MAP4: variants seen among roughly 807,000 people sequenced by gnomAD.
The protein encoded by MAP4 is microtubule associated protein 4.
Under a neutral mutation model 170.2 loss-of-function variants are expected in MAP4, and 76 were observed. That is an observed-to-expected ratio of 0.45 (90% CI 0.37 to 0.54). The LOEUF (loss-of-function observed/expected upper bound fraction) is 0.54, where lower values mean the gene tolerates loss of function less well. MAP4 is among the 20% of genes least tolerant of loss of function. The pLI is 0.00. For synonymous variants in MAP4, 909 were observed against 994.5 expected, an observed-to-expected ratio of 0.91 and a Z score of 1.62; for missense variants, 2,506 against 2,748.0, an observed-to-expected ratio of 0.91 and a Z score of 1.97.
At chr3:48,030,798 CAAAAA>C (rs71625847) in intron 1 of MAP4, among the ~76,000 whole-genome samples, 1 of 29,062 alleles carries the variant, frequency 3.4e-5, no homozygotes, top group Non-Finnish European at 6.4e-5. Context: ...GACTCCATCT[CAAAAA>C]AAAAAAAAAA....
At chr3:47,858,585 T>TGG (rs2060236416) in intron 17 of MAP4, among the ~76,000 whole-genome samples, 1 of 111,578 alleles carries the variant, frequency 9.0e-6, no homozygotes, top group African/African-American at 4.3e-5. Context: ...GGTGAGGGGG[T>TGG]GGTGTGTGTG....
intron 1 of MAP4, among the ~76,000 whole-genome samples, chr3:48,014,485 C>G (rs1192542561): frequency 6.6e-6 from 1 of 152,120 alleles, no homozygotes; most frequent in African/African-American, 2.4e-5. Flanking sequence ...TGGCAAAACC[C>G]CATCTCTACA....
At chr3:48,070,903 T>C (rs1186854378) in intron 1 of MAP4, among the ~76,000 whole-genome samples, 5 of 150,736 alleles carry the variant, frequency 3.3e-5, no homozygotes, top group African/African-American at 9.8e-5. Flanking sequence ...TGAGCGCCTG[T>C]AGTCCTATCA....
chr3:48,020,713 T>TA (rs935571105), upstream of MAP4, among the ~76,000 whole-genome samples: 118 of 151,994 alleles, frequency 7.8e-4, no homozygotes, highest in Non-Finnish European at 1.5e-3. Context: ...TTAAAAGTAT[T>TA]AAAAAAACAA....
chr3:48,081,725 T>C (rs953591388), intron 1 of MAP4, among the ~76,000 whole-genome samples: 11 of 151,180 alleles, frequency 7.3e-5, no homozygotes, highest in African/African-American at 2.7e-4. Flanking sequence ...TGTGGGTCAG[T>C]ATATATATAT....
rs903654778 is a variant in MAP4 at position 48,083,833 on chromosome 3, T to A, written c.-20+4940A>T. On this transcript the variant is annotated intron_variant, in intron 1 of 18. Coordinates refer to the MAP4 transcript ENST00000360240. ...CCTGTGCCTCCCAGATTCAAGTGAT[T>A]CTCCTGTCTCAGCCTCGCGAGTAGC... is the stretch of plus-strand genomic sequence containing the variant. Among the ~76,000 whole-genome samples, 4 of 151,170 alleles carry A rather than the reference T, an allele frequency of 2.6e-5. No homozygotes were observed. The Admixed American group carries it at 2.6e-4, about 10-fold the overall frequency.
At chr3:47,889,292 C>CT (rs903654154) in intron 10 of MAP4, among the ~76,000 whole-genome samples, 5 of 152,218 alleles carry the variant, frequency 3.3e-5, no homozygotes, top group Admixed American at 6.5e-5. Context: ...GGCTTCATAT[C>CT]TTTGTTTAAT....
intron 10 of MAP4, among the ~76,000 whole-genome samples, chr3:47,877,965 T>C (rs1186437233): frequency 6.6e-6 from 1 of 152,202 alleles, no homozygotes; most frequent in Non-Finnish European, 1.5e-5. Flanking sequence ...TTCCTTTCCC[T>C]ATAAAGAACC....
chr3:47,948,233 T>TC (rs1238140679), intron 3 of MAP4, among the ~76,000 whole-genome samples: 1 of 150,942 alleles, frequency 6.6e-6, no homozygotes, highest in Non-Finnish European at 1.5e-5. Flanking sequence ...TTCTTTTTTT[T>TC]TTTTTTTTTT....
chr3:48,005,026 G>A (rs1001318751), intron 1 of MAP4, among the ~76,000 whole-genome samples: 4 of 152,158 alleles, frequency 2.6e-5, no homozygotes, highest in African/African-American at 9.7e-5. Context: ...CTAGAGGTGA[G>A]GTTGAGAGTG....
chr3:47,958,710 A>G (rs1410514537), intron 3 of MAP4, among the ~76,000 whole-genome samples: 1 of 142,380 alleles, frequency 7.0e-6, no homozygotes, highest in Admixed American at 7.2e-5. Flanking sequence ...TTTGAGACCA[A>G]GTCTCACTCT....
chr3:47,877,332 T>G (rs746368794), intron 11 of MAP4, 85 bp downstream of exon 11: 9 of 1,039,092 alleles, frequency 8.7e-6, no homozygotes, highest in Non-Finnish European at 8.9e-6. Flanking sequence ...AAAAGAAATT[T>G]CATTCGTGAT....
intron 1 of MAP4, among the ~76,000 whole-genome samples, chr3:48,082,181 G>C (rs1327606491): frequency 2.0e-5 from 3 of 152,132 alleles, no homozygotes; most frequent in African/African-American, 7.2e-5. Context: ...GAAAGAATTA[G>C]AAAAATAGAA....
chr3:47,888,864 C>T (rs993407441), intron 10 of MAP4, among the ~76,000 whole-genome samples: 1 of 152,128 alleles, frequency 6.6e-6, no homozygotes, highest in South Asian at 2.1e-4. Context: ...GTGAATGAAG[C>T]GGGTGGGTCT....
At chr3:47,968,937 G>C (rs2100076778) in intron 3 of MAP4, among the ~76,000 whole-genome samples, 1 of 152,058 alleles carries the variant, frequency 6.6e-6, no homozygotes, top group South Asian at 2.1e-4. Context: ...GAATAAAAAA[G>C]GTTTATAAGG....
At chr3:47,871,815 C>G in intron 13 of MAP4, 102 bp downstream of exon 13, 1 of 1,177,672 alleles carries the variant, frequency 8.5e-7, no homozygotes, top group Non-Finnish European at 1.2e-6. Flanking sequence ...GTAAGCAGGC[C>G]TGCACAGCTG....
chr3:47,946,708 T>G (rs1173909992), intron 3 of MAP4, among the ~76,000 whole-genome samples: 1 of 130,646 alleles, frequency 7.7e-6, no homozygotes, highest in African/African-American at 2.9e-5. Flanking sequence ...TATGTCAGGA[T>G]AATAGACATA....
chr3:47,923,786 C>T (rs1478709879), intron 4 of MAP4, among the ~76,000 whole-genome samples: 1 of 152,010 alleles, frequency 6.6e-6, no homozygotes, highest in Non-Finnish European at 1.5e-5. Context: ...CACTGAGCTA[C>T]AGCCTGGGTG....
chr3:47,932,814 C>T (rs1438070874), intron 3 of MAP4, among the ~76,000 whole-genome samples: 1 of 152,184 alleles, frequency 6.6e-6, no homozygotes, highest in African/African-American at 2.4e-5. Flanking sequence ...GCCTTGCAGC[C>T]TCAAACTCCT....
Sources: allele counts gnomAD v4.1 joint callset (sites outside exome capture counted in the v4.1 genomes callset), GRCh38; gene constraint gnomAD v4.1.1; transcripts MANE v1.5; gene names NCBI Gene and HGNC (gene_info 2026-07-23, HGNC 2026-07-21).